Variants in RXRB observed in about 807,000 individuals in gnomAD.
The protein encoded by RXRB is retinoic acid receptor RXR-beta.
In RXRB, 18 loss-of-function variants were observed where a neutral mutation model predicts 52.5. The observed-to-expected ratio is 0.34, with a 90% confidence interval of 0.24 to 0.51. The LOEUF (loss-of-function observed/expected upper bound fraction) is 0.51. Among genes scored for constraint, RXRB ranks in the 20% least tolerant of loss-of-function variants. The pLI is 0.97. For missense variants in RXRB, 455 were observed against 698.2 expected (o/e 0.65, Z 3.92); for synonymous variants, 233 against 267.1 (o/e 0.87, Z 1.25).
intron 1 of RXRB, 80 bp from the exon 2 acceptor site, chr6:33,199,496 C>A: frequency 8.9e-7 from 1 of 1,120,156 alleles, no homozygotes; most frequent in East Asian, 3.1e-5. Flanking sequence ...TTCAAACATC[C>A]AACTAGAGAC....
chr6:33,195,228 T>C lies in RXRB; in HGVS notation c.1348+135A>G. The stretch of plus-strand genomic sequence containing the variant: ...TGGGATGGATCCGTGGATGTGGGTT[T>C]TTCCTCGGCCAGTTGGGAGATTTCC... On this transcript the variant is annotated intron_variant, in intron 8 of 9. Transcript: ENST00000374680. This position sits in a 1 kb window ranked among gnomAD's most constrained non-coding sequence, Gnocchi z 8.6. 1.3e-6 allele frequency: 1 copy of C among 776,970 alleles called. No individual in the cohort carries two copies. Among genetic ancestry groups the C allele is most frequent in the Non-Finnish European group, 2.2e-6 (1 of 455,204 alleles). 48.1% of individuals were successfully genotyped at this position (776,970 alleles called of 1,614,324 possible). A position where few individuals can be genotyped will look rare whatever the true frequency, so the allele number is the denominator to read the frequency against.
At chr6:33,198,712 G>T in intron 2 of RXRB, 2 of 634,636 alleles carry the variant, frequency 3.2e-6, no homozygotes, top group South Asian at 3.4e-5. Context: ...AAGCAGATGG[G>T]ATCAAAAGGG....
chr6:33,197,625 T>A lies in RXRB; in HGVS notation c.820+137A>T. On this transcript the variant is annotated intron_variant, in intron 4 of 9. Coordinates refer to ENST00000374680, the MANE Select transcript of RXRB (RefSeq NM_021976.5). This position sits in a 1 kb window ranked among gnomAD's most constrained non-coding sequence, Gnocchi z 4.4. ...AGAACAGGGTAACAGGGAGGAGAGC[T>A]GCGAAGGGAGAGAGAAATCAAATAT... 1 of 793,976 alleles carries A rather than the reference T, an allele frequency of 1.3e-6. No homozygotes were observed. The highest frequency in any genetic ancestry group is 1.7e-5 in the African/African-American group (1 of 57,496). The allele number at this position is 793,976 out of a possible 1,614,324, so 49.2% of individuals were successfully genotyped here.
At chr6:33,198,497 G>C in intron 2 of RXRB, 33 bp from the exon 3 acceptor site, 1 of 1,594,448 alleles carries the variant, frequency 6.3e-7, no homozygotes, top group South Asian at 1.1e-5. Flanking sequence ...GTCACAGGAA[G>C]ACTTATTGGG....
At position 33,194,437 on chromosome 6, in the gene RXRB, AACC is replaced by A. The variant is rs1372638606; in HGVS notation, c.*242_*244del. Reference sequence around the variant, plus strand: ...GAGAAATCACCCCAAATCATGGGAGAACCCGACAAATTCAGAGACTCAAGGCCA... The same window carrying A: ...GAGAAATCACCCCAAATCATGGGAGACGACAAATTCAGAGACTCAAGGCCA... On this transcript the variant is annotated 3_prime_UTR_variant, in exon 10 of 10. Coordinates refer to ENST00000374680, the MANE Select transcript of RXRB (RefSeq NM_021976.5). The surrounding 1 kb of genome is among the most constrained non-coding windows in gnomAD (Gnocchi z 4.1). 2.0e-6 allele frequency: 1 copy of A among 503,952 alleles called. No individual in the cohort carries two copies. The highest frequency in any genetic ancestry group is 3.6e-5 in the Admixed American group (1 of 27,970). The allele number at this position is 503,952 out of a possible 1,614,324, so 31.2% of individuals were successfully genotyped here. A position where few individuals can be genotyped will look rare whatever the true frequency, so the allele number is the denominator to read the frequency against.
intron 1 of RXRB, 101 bp from the exon 2 acceptor site, chr6:33,199,517 T>G: frequency 2.0e-6 from 2 of 997,430 alleles, no homozygotes; most frequent in Non-Finnish European, 2.7e-6. Flanking sequence ...TTTAATTCTC[T>G]AATACCCCAC....
At position 33,200,611 on chromosome 6, in the gene RXRB, C is replaced by G. The variant is rs187510260; in HGVS notation, c.-135G>C. On this transcript the variant is annotated 5_prime_UTR_variant, in exon 1 of 10. Transcript: ENST00000374680. This position sits in a 1 kb window ranked among gnomAD's most constrained non-coding sequence, Gnocchi z 6.3. ...ATTGGGTCGAATTAAGCCCGTCGCTCTGCTCAGTACCAAAATGACAGCGCC... is the reference window on the plus strand; with the variant it reads ...ATTGGGTCGAATTAAGCCCGTCGCTGTGCTCAGTACCAAAATGACAGCGCC... 3.0e-4 allele frequency: 456 copies of G among 1,496,786 alleles called. 1 individual carries two copies. In the African/African-American group the frequency reaches 5.4e-3, roughly 18 times the overall value. The allele number at this position is 1,496,786 out of a possible 1,614,324, so 92.7% of individuals were successfully genotyped here.
Position 33,194,795 on chromosome 6 carries a change from G to A in RXRB, c.1489C>T (p.Arg497Trp), listed in dbSNP as rs754055760. The change falls in exon 10 of 10, where the codon CGG becomes TGG. Residue 497 changes from arginine to tryptophan, a missense_variant. Physicochemically the swap from Arg to Trp is moderately radical, Grantham distance 101. Coordinates refer to ENST00000374680, the MANE Select transcript of RXRB (RefSeq NM_021976.5). The surrounding 1 kb of genome is among the most constrained non-coding windows in gnomAD (Gnocchi z 4.1). ...AKLLLRLPAL[R>W]SIGLKCLEHL... ...TCTAGACACTTAAGGCCAATGGACC[G>A]GAGGGCAGGAAGACGTAGCAGCAGC... The A allele has an allele frequency of 3.1e-6, 5 of 1,613,034 alleles. No individual in the cohort carries two copies. The highest frequency in any genetic ancestry group is 1.3e-5 in the African/African-American group (1 of 75,054).
At position 33,197,766 on chromosome 6, in the gene RXRB, C is replaced by T; in HGVS notation, c.816G>A (p.Arg272=). 1.2e-6 allele frequency: 2 copies of T among 1,613,874 alleles called. No homozygotes were observed. Among genetic ancestry groups the T allele is most frequent in the South Asian group, 2.2e-5 (2 of 91,084 alleles). Residue 272 remains arginine (R), a synonymous_variant, in exon 4 of 10, where the codon AGG becomes AGA. Transcript: ENST00000374680. This position sits in a 1 kb window ranked among gnomAD's most constrained non-coding sequence, Gnocchi z 4.4. ...CTGGGCAGGGCGGGTCCTTACCCTC[C>T]CTCTTCATGCCAGTGGCCAGGCACT... ...YQKCLATGMK[R]EAVQEERQRG...
In RXRB at chr6:33,198,390, G is replaced by A; in HGVS notation, c.558C>T (p.Val186=). The A allele has an allele frequency of 1.9e-6, 3 of 1,612,514 alleles. No individual in the cohort carries two copies. Among genetic ancestry groups the A allele is most frequent in the Non-Finnish European group, 1.7e-6 (2 of 1,179,688 alleles). The change falls in exon 3 of 10, where the codon GTC becomes GTT. Residue 186 remains valine, a synonymous_variant. Coordinates refer to ENST00000374680, the MANE Select transcript of RXRB (RefSeq NM_021976.5). ...PEDVKPPVLG[V]RGLHCPPPPG... ...GAGGGGGTGGACAGTGCAGGCCCCG[G>A]ACCCCTAAGACTGGTGGCTTCACAT...
chr6:33,195,236 G>A lies in RXRB; in HGVS notation c.1348+127C>T, dbSNP rs886322781. On this transcript the variant is annotated intron_variant, in intron 8 of 9. Coordinates refer to ENST00000374680, the MANE Select transcript of RXRB (RefSeq NM_021976.5). The surrounding 1 kb of genome is among the most constrained non-coding windows in gnomAD (Gnocchi z 8.6). ...ATCCGTGGATGTGGGTTTTTCCTCG[G>A]CCAGTTGGGAGATTTCCAGGTTGAG... 57 of 792,408 alleles carry A rather than the reference G, an allele frequency of 7.2e-5. No individual in the cohort carries two copies. Among genetic ancestry groups the A allele is most frequent in the South Asian group, 2.3e-4 (15 of 65,226 alleles). The allele number at this position is 792,408 out of a possible 1,614,324, so 49.1% of individuals were successfully genotyped here. A position where few individuals can be genotyped will look rare whatever the true frequency, so the allele number is the denominator to read the frequency against.
In RXRB at chr6:33,194,404, C is replaced by CA. The variant is rs1773720894; in HGVS notation, c.*277dup. The stretch of plus-strand genomic sequence containing the variant: ...CCAGTGCTTTGTGCTGGGGGAAGGA[C>CA]AGAGGGTGAGAAATCACCCCAAATC... On this transcript the variant is annotated 3_prime_UTR_variant, in exon 10 of 10. Transcript: ENST00000374680. The surrounding 1 kb of genome is among the most constrained non-coding windows in gnomAD (Gnocchi z 4.1). 2.2e-6 allele frequency: 1 copy of CA among 451,754 alleles called. No homozygotes were observed. The highest frequency in any genetic ancestry group is 3.9e-6 in the Non-Finnish European group (1 of 254,104). The allele number at this position is 451,754 out of a possible 1,614,324, so 28.0% of individuals were successfully genotyped here.
At chr6:33,198,012 C>A (rs938285151) in intron 3 of RXRB, 71 bp from the exon 4 acceptor site, 2 of 1,502,418 alleles carry the variant, frequency 1.3e-6, no homozygotes, top group South Asian at 2.4e-5. Context: ...TGTTTCCAAT[C>A]TCCCCCTAGC....
chr6:33,194,734 G>T lies in RXRB; in HGVS notation c.1550C>A (p.Pro517His). ...CATCTCCATGAGGAAGGTGTCGATG[G>T]GGGTGTCACCAATGAGCTTGAAGAA... ...LFFFKLIGDT[P>H]IDTFLMEMLE... The change falls in exon 10 of 10, where the codon CCC (proline) becomes CAC (histidine). Residue 517 changes from proline to histidine, a missense_variant. Pro to His is a moderately conservative substitution (Grantham distance 77). Transcript: ENST00000374680. This position sits in a 1 kb window ranked among gnomAD's most constrained non-coding sequence, Gnocchi z 4.1. 1 of 1,613,130 alleles carries T rather than the reference G, an allele frequency of 6.2e-7. No individual in the cohort carries two copies. Among genetic ancestry groups the T allele is most frequent in the Non-Finnish European group, 8.5e-7 (1 of 1,180,014 alleles).
chr6:33,199,451 CAA>C, intron 1 of RXRB, 35 bp from the exon 2 acceptor site: 1 of 1,265,124 alleles, frequency 7.9e-7, no homozygotes, highest in African/African-American at 1.5e-5. Context: ...CACAGACACA[CAA>C]GAGACAGAAG....
At chr6:33,198,929 A>C (rs1252564910) in intron 2 of RXRB, among the ~76,000 whole-genome samples, 1 of 150,838 alleles carries the variant, frequency 6.6e-6, no homozygotes, top group East Asian at 1.9e-4. Flanking sequence ...AAAAAAAAAA[A>C]AAAAACACAC....
chr6:33,196,326 T>C lies in RXRB; in HGVS notation c.993+108A>G, dbSNP rs1562412269. The C allele has an allele frequency of 5.9e-6, 7 of 1,192,492 alleles. No homozygotes were observed. The highest frequency in any genetic ancestry group is 8.7e-6 in the Non-Finnish European group (7 of 800,844). 73.9% of individuals were successfully genotyped at this position (1,192,492 alleles called of 1,614,324 possible). On this transcript the variant is annotated intron_variant, in intron 5 of 9. Coordinates refer to ENST00000374680, the MANE Select transcript of RXRB (RefSeq NM_021976.5). This position sits in a 1 kb window ranked among gnomAD's most constrained non-coding sequence, Gnocchi z 4.0. ...TGGCAGCACCTCCAGTCCCAAGTAG[T>C]GTTAGGAAGGTTATGAGGGGAAAGG... is the stretch of plus-strand genomic sequence containing the variant.
chr6:33,197,691 G>C lies in RXRB; in HGVS notation c.820+71C>G. 7.0e-7 allele frequency: 1 copy of C among 1,428,620 alleles called. No homozygotes were observed. The highest frequency in any genetic ancestry group is 9.7e-7 in the Non-Finnish European group (1 of 1,027,876). The allele number at this position is 1,428,620 out of a possible 1,614,324, so 88.5% of individuals were successfully genotyped here. A position where few individuals can be genotyped will look rare whatever the true frequency, so the allele number is the denominator to read the frequency against. Reference sequence around the variant, plus strand: ...AGAGAGCAGTCCACCCTTCCAGAGAGGTACACAGTCTGAGTGGGATAAGGG... The same window carrying C: ...AGAGAGCAGTCCACCCTTCCAGAGACGTACACAGTCTGAGTGGGATAAGGG... On this transcript the variant is annotated intron_variant, in intron 4 of 9. Coordinates refer to ENST00000374680, the MANE Select transcript of RXRB (RefSeq NM_021976.5). The surrounding 1 kb of genome is among the most constrained non-coding windows in gnomAD (Gnocchi z 4.4).
At position 33,195,074 on chromosome 6, in the gene RXRB, G is replaced by A. The variant is rs536505280; in HGVS notation, c.1349-24C>T. 1 of 1,545,326 alleles carries A rather than the reference G, an allele frequency of 6.5e-7. No individual in the cohort carries two copies. Among genetic ancestry groups the A allele is most frequent in the African/African-American group, 1.4e-5 (1 of 73,750 alleles). Reference sequence around the variant, plus strand: ...ATCTGGGATGGCAGGGAAGAGAGGAGGAAGAGAAATGAAGACAAACCAAAT... The same window carrying A: ...ATCTGGGATGGCAGGGAAGAGAGGAAGAAGAGAAATGAAGACAAACCAAAT... On this transcript the variant is annotated intron_variant, in intron 8 of 9. Transcript: ENST00000374680. The surrounding 1 kb of genome is among the most constrained non-coding windows in gnomAD (Gnocchi z 8.6).
Sources: gnomAD v4.1 joint callset for allele counts (sites outside exome capture counted in the v4.1 genomes callset) on GRCh38, gnomAD v4.1.1 for gene constraint, Gnocchi (gnomAD v3.1) non-coding constraint, MANE v1.5 for transcripts, NCBI Gene and HGNC (gene_info 2026-07-23, HGNC 2026-07-21) for gene names.